ZNF804A: variants seen among roughly 807,000 people sequenced by gnomAD.
The protein encoded by ZNF804A is zinc finger protein 804A.
ZNF804A carries 2 observed loss-of-function variants against 16.5 expected under a neutral mutation model. The ratio of observed to expected loss-of-function variants is 0.12; its 90% CI spans 0.05 to 0.38. The LOEUF (loss-of-function observed/expected upper bound fraction) is 0.38. ZNF804A is among the 10% of genes least tolerant of loss of function. The pLI, the probability that ZNF804A is intolerant of heterozygous loss-of-function variation, is 0.99. For synonymous variants in ZNF804A, 534 were observed against 489.6 expected (o/e 1.09, Z -1.20); for missense variants, 1,473 against 1,390.7 (o/e 1.06, Z -0.94).
intron 1 of ZNF804A, among the ~76,000 whole-genome samples, chr2:184,794,596 C>CA (rs570604117): frequency 9.2e-4 from 140 of 151,738 alleles, no homozygotes; most frequent in African/African-American, 3.2e-3. Context: ...TAAAGAAAGA[C>CA]AAAAAAACCA....
At chr2:184,872,368 A>C (rs1343224883) in intron 2 of ZNF804A, among the ~76,000 whole-genome samples, 1 of 152,172 alleles carries the variant, frequency 6.6e-6, no homozygotes, top group African/African-American at 2.4e-5. Context: ...AATAGGGGTT[A>C]AAATGCAGAA....
intron 1 of ZNF804A, among the ~76,000 whole-genome samples, chr2:184,837,736 G>A (rs1224046447): frequency 6.6e-6 from 1 of 152,094 alleles, no homozygotes; most frequent in Non-Finnish European, 1.5e-5. Flanking sequence ...TTATTTGAAT[G>A]TGATTTCTTC....
Position 184,693,498 on chromosome 2 carries a change from G to A in ZNF804A, c.111+94428G>A, listed in dbSNP as rs188461152. 4.6e-5 allele frequency among the ~76,000 whole-genome samples: 7 copies of A among 152,142 alleles called. No individual in the cohort carries two copies. In the East Asian group the frequency reaches 1.4e-3, roughly 29 times the overall value. ...TATATTGCACTCACATTTCTCCATA[G>A]CCCCATTTCAAAATAAGTATTCATA... is the stretch of plus-strand genomic sequence containing the variant. On this transcript the variant is annotated intron_variant, in intron 1 of 3. Transcript: ENST00000302277.
chr2:184,615,328 C>T (rs1360187488), intron 1 of ZNF804A, among the ~76,000 whole-genome samples: 1 of 152,102 alleles, frequency 6.6e-6, no homozygotes, highest in Non-Finnish European at 1.5e-5. Context: ...ATGTAACACA[C>T]CTGCACATTC....
chr2:184,855,292 A>G (rs1412359521), intron 1 of ZNF804A, among the ~76,000 whole-genome samples: 1 of 152,090 alleles, frequency 6.6e-6, no homozygotes, highest in African/African-American at 2.4e-5. Flanking sequence ...CTACCAGTAC[A>G]TTATTGCCTT....
At chr2:184,829,923 C>CAAAAAA (rs1558974950) in intron 1 of ZNF804A, among the ~76,000 whole-genome samples, 1 of 66,466 alleles carries the variant, frequency 1.5e-5, no homozygotes, top group African/African-American at 7.4e-5. Context: ...AAAAAAAAAA[C>CAAAAAA]AAAAACAAAA....
At chr2:184,898,189 T>A (rs1685119732) in intron 2 of ZNF804A, among the ~76,000 whole-genome samples, 1 of 152,126 alleles carries the variant, frequency 6.6e-6, no homozygotes, top group Non-Finnish European at 1.5e-5. Flanking sequence ...ATACAGATAA[T>A]AAAGAATGGT....
At chr2:184,773,762 G>A (rs1363614170) in intron 1 of ZNF804A, among the ~76,000 whole-genome samples, 2 of 151,858 alleles carry the variant, frequency 1.3e-5, no homozygotes, top group Non-Finnish European at 1.5e-5. Flanking sequence ...AAGAATTCAT[G>A]TAATGAGAAA....
chr2:184,853,465 C>CT (rs1220636169), intron 1 of ZNF804A, among the ~76,000 whole-genome samples: 2 of 151,690 alleles, frequency 1.3e-5, no homozygotes, highest in Non-Finnish European at 3.0e-5. Context: ...GCATTCATGT[C>CT]TTTTTTTCTG....
intron 1 of ZNF804A, among the ~76,000 whole-genome samples, chr2:184,802,572 A>G (rs111408955): frequency 6.6e-6 from 1 of 152,324 alleles, no homozygotes; most frequent in Non-Finnish European, 1.5e-5. Context: ...AGTTGCTCCA[A>G]GTAAGCAGAT....
chr2:184,901,319 G>A (rs1685178848), intron 2 of ZNF804A, among the ~76,000 whole-genome samples: 1 of 152,126 alleles, frequency 6.6e-6, no homozygotes, highest in African/African-American at 2.4e-5. Flanking sequence ...CATAATGCAG[G>A]TCTGAAACTT....
At chr2:184,864,874 G>GTTTTTTTTTTTTTTT (rs1695850835) in intron 1 of ZNF804A, among the ~76,000 whole-genome samples, 2 of 117,038 alleles carry the variant, frequency 1.7e-5, no homozygotes, top group African/African-American at 9.4e-5. Context: ...ATATAGTTAG[G>GTTTTTTTTTTTTTTT]ATTTTTTTTT....
chr2:184,792,213 T>G (rs1574214613), intron 1 of ZNF804A, among the ~76,000 whole-genome samples: 1 of 152,176 alleles, frequency 6.6e-6, no homozygotes, highest in Non-Finnish European at 1.5e-5. Flanking sequence ...ATGGTAAGAG[T>G]ATGTTTAGTT....
At chr2:184,865,483 C>A (rs553041352) in intron 1 of ZNF804A, among the ~76,000 whole-genome samples, 149 of 152,028 alleles carry the variant, frequency 9.8e-4, no homozygotes, top group African/African-American at 3.5e-3. Context: ...CGAGAGGGGG[C>A]AAGAAAGAGC....
intron 1 of ZNF804A, among the ~76,000 whole-genome samples, chr2:184,612,733 T>A (rs1269060674): frequency 6.6e-6 from 1 of 152,134 alleles, no homozygotes; most frequent in Non-Finnish European, 1.5e-5. Flanking sequence ...TTAAAGTAGT[T>A]GATGTTATGA....
At chr2:184,623,604 A>G (rs921759821) in intron 1 of ZNF804A, among the ~76,000 whole-genome samples, 1 of 152,158 alleles carries the variant, frequency 6.6e-6, no homozygotes, top group Non-Finnish European at 1.5e-5. Context: ...CCTAGCTTTA[A>G]TAAGTGACAC....
chr2:184,726,098 T>C (rs141305039), intron 1 of ZNF804A, among the ~76,000 whole-genome samples: 112 of 151,824 alleles, frequency 7.4e-4, no homozygotes, highest in African/African-American at 2.2e-3. Context: ...TGAACAATAA[T>C]ATACATGCTT....
intron 1 of ZNF804A, among the ~76,000 whole-genome samples, chr2:184,680,143 C>T (rs1692512431): frequency 6.6e-6 from 1 of 152,176 alleles, no homozygotes; most frequent in Non-Finnish European, 1.5e-5. Context: ...GAGAGCTGAA[C>T]AGACATCAGG....
intron 1 of ZNF804A, among the ~76,000 whole-genome samples, chr2:184,606,552 T>C (rs1221688512): frequency 1.3e-5 from 2 of 152,132 alleles, no homozygotes; most frequent in Non-Finnish European, 2.9e-5. Flanking sequence ...AATTCTAATG[T>C]AGGTATTGCT....
Sources: gnomAD v4.1 joint callset for allele counts (sites outside exome capture counted in the v4.1 genomes callset) on GRCh38, gnomAD v4.1.1 for gene constraint, MANE v1.5 for transcripts, NCBI Gene and HGNC (gene_info 2026-07-23, HGNC 2026-07-21) for gene names.